The following PARVB variants were observed in gnomAD, a reference collection of about 807,000 sequenced individuals.
The protein encoded by PARVB is parvin beta.
PARVB carries 46 observed loss-of-function variants against 47.0 expected under a neutral mutation model. The observed-to-expected ratio is 0.98, with a 90% CI of 0.77 to 1.25. The LOEUF is 1.25. Among genes scored for constraint, PARVB ranks in the 50% most tolerant of loss-of-function variants. The pLI, the probability that PARVB is intolerant of heterozygous loss-of-function variation, is 0.00. For missense variants in PARVB, 473 were observed against 471.6 expected (o/e 1.00, Z -0.03); for synonymous variants, 196 against 196.3 (o/e 1.00, Z 0.01).
At chr22:44,040,101 C>A in intron 1 of PARVB, 1 of 255,970 alleles carries the variant, frequency 3.9e-6, no homozygotes, top group South Asian at 3.6e-5. Context: ...TGAAAATATT[C>A]TTTACAGTGA....
In PARVB at chr22:44,154,774, T is replaced by TTTATGTAGTCTGTGTGGTGTGTGTGTGGC. The variant is rs2053888131; in HGVS notation, c.844-3187_844-3186insTGTGTGGCTTATGTAGTCTGTGTGGTGTG. Among the ~76,000 whole-genome samples, 6 of 144,902 alleles carry TTTATGTAGTCTGTGTGGTGTGTGTGTGGC rather than the reference T, an allele frequency of 4.1e-5. 3 individuals carry two copies. The highest frequency in any genetic ancestry group is 1.4e-4 in the Admixed American group (2 of 14,490). ...TGCAGTCTGTGTGGTGTGTGTGTGG[T>TTTATGTAGTCTGTGTGGTGTGTGTGTGGC]TTATGTAGTCTGTGTGGTGTGATGT... On this transcript the variant is annotated intron_variant, in intron 10 of 12. Coordinates refer to ENST00000338758, the MANE Select transcript of PARVB (RefSeq NM_013327.5).
chr22:44,132,643 T>C (rs944827979), intron 5 of PARVB, among the ~76,000 whole-genome samples: 1 of 152,198 alleles, frequency 6.6e-6, no homozygotes, highest in Non-Finnish European at 1.5e-5. Context: ...GCCCAATTTA[T>C]TGCTTTTAAA....
chr22:44,135,601 A>G (rs2053426368), intron 6 of PARVB, among the ~76,000 whole-genome samples: 1 of 152,182 alleles, frequency 6.6e-6, no homozygotes, highest in Non-Finnish European at 1.5e-5. Context: ...GAAGTGTGAC[A>G]TATACTGTGT....
Position 44,043,695 on chromosome 22 carries a change from C to T in PARVB, c.112+19244C>T, listed in dbSNP as rs143434703. 1.2e-3 allele frequency among the ~76,000 whole-genome samples: 181 copies of T among 152,080 alleles called. 2 individuals are homozygous for T. Among genetic ancestry groups the T allele is most frequent in the African/African-American group, 2.5e-3 (103 of 41,486 alleles). ...CCCAGCCGAATTGTACACTTTAAAACGGCAAATTGTATGGAATGTGAATTC... is the reference window on the plus strand; with the variant it reads ...CCCAGCCGAATTGTACACTTTAAAATGGCAAATTGTATGGAATGTGAATTC... On this transcript the variant is annotated intron_variant, in intron 1 of 12. Coordinates refer to ENST00000338758, the MANE Select transcript of PARVB (RefSeq NM_013327.5).
intron 1 of PARVB, among the ~76,000 whole-genome samples, chr22:44,082,078 G>A (rs183770341): frequency 3.3e-5 from 5 of 152,322 alleles, no homozygotes; most frequent in Admixed American, 3.3e-4. Flanking sequence ...AGGGTGAGGG[G>A]CCGAGAAAAC....
At chr22:44,134,598 G>C (rs1367634099) in intron 6 of PARVB, among the ~76,000 whole-genome samples, 1 of 152,194 alleles carries the variant, frequency 6.6e-6, no homozygotes, top group East Asian at 1.9e-4. Context: ...TGAAACGGGA[G>C]CAGGGGGTCC....
At chr22:44,067,342 ATTTTTCAAGTGCGTAGT>A (rs2146970538) in intron 1 of PARVB, among the ~76,000 whole-genome samples, 1 of 152,238 alleles carries the variant, frequency 6.6e-6, no homozygotes, top group African/African-American at 2.4e-5. Flanking sequence ...TCCTTTTATG[ATTTTTCAAGTGCGTAGT>A]TATTTTCCTT....
chr22:44,029,553 A>G (rs2050787697), intron 1 of PARVB, among the ~76,000 whole-genome samples: 1 of 152,116 alleles, frequency 6.6e-6, no homozygotes, highest in Non-Finnish European at 1.5e-5. Flanking sequence ...AGGCAGGTGG[A>G]TCACCTAAGG....
chr22:44,099,000 A>G (rs192600389), intron 2 of PARVB, among the ~76,000 whole-genome samples: 193 of 152,242 alleles, frequency 1.3e-3, no homozygotes, highest in Non-Finnish European at 2.4e-3. Flanking sequence ...ATTCTGACCG[A>G]CATGGTCAGT....
At chr22:44,151,629 T>A in intron 10 of PARVB, 78 bp downstream of exon 10, 1 of 1,120,190 alleles carries the variant, frequency 8.9e-7, no homozygotes, top group Non-Finnish European at 1.4e-6. Context: ...GTGGGGCGCG[T>A]GAACAAAGCT....
chr22:44,082,613 A>G (rs984938082), intron 1 of PARVB, among the ~76,000 whole-genome samples: 2 of 152,188 alleles, frequency 1.3e-5, no homozygotes, highest in Non-Finnish European at 2.9e-5. Flanking sequence ...TCTCTAAAGA[A>G]TGTGTCCTCC....
intron 3 of PARVB, among the ~76,000 whole-genome samples, chr22:44,118,794 G>A (rs2143428): frequency 0.42 from 63,108 of 151,506 alleles, 13,986 homozygotes; most frequent in African/African-American, 0.57. Context: ...CTGTCCCTCC[G>A]CTTGCTCTGG....
intron 1 of PARVB, among the ~76,000 whole-genome samples, chr22:44,085,061 C>T (rs1330621542): frequency 6.6e-6 from 1 of 152,184 alleles, no homozygotes; most frequent in Non-Finnish European, 1.5e-5. Flanking sequence ...CCTTTCATTT[C>T]TTTTTCTGTG....
At chr22:44,046,439 G>A (rs575512274) in intron 1 of PARVB, among the ~76,000 whole-genome samples, 1 of 152,230 alleles carries the variant, frequency 6.6e-6, no homozygotes, top group African/African-American at 2.4e-5. Flanking sequence ...ACCAGTGGGG[G>A]ATGCATCTCT....
chr22:44,068,868 A>C lies in PARVB; in HGVS notation c.113-25060A>C, dbSNP rs553621254. Among the ~76,000 whole-genome samples the C allele has an allele frequency of 1.3e-5, 2 of 152,108 alleles. No individual in the cohort carries two copies. Among genetic ancestry groups the C allele is most frequent in the Non-Finnish European group, 2.9e-5 (2 of 68,006 alleles). ...CGCGCCCTTCCTTCCTTCTTTGTGC[A>C]TGGGGGTTTTCCTGGGGAGCAGTTG... is the stretch of plus-strand genomic sequence containing the variant. On this transcript the variant is annotated intron_variant, in intron 1 of 12. Coordinates refer to ENST00000338758, the MANE Select transcript of PARVB (RefSeq NM_013327.5). The surrounding 1 kb of genome is among the most constrained non-coding windows in gnomAD (Gnocchi z 4.1).
intron 4 of PARVB, among the ~76,000 whole-genome samples, chr22:44,126,061 G>A (rs952549067): frequency 6.6e-6 from 1 of 152,142 alleles, no homozygotes; most frequent in East Asian, 1.9e-4. Flanking sequence ...ACATGCTGGG[G>A]CTGAGATACC....
At chr22:44,117,184 T>C (rs1275184087) in intron 3 of PARVB, among the ~76,000 whole-genome samples, 1 of 151,930 alleles carries the variant, frequency 6.6e-6, no homozygotes, top group African/African-American at 2.4e-5. Flanking sequence ...TAGGGGGTCC[T>C]GGGTTAGGGA....
At chr22:44,100,239 T>C in intron 3 of PARVB, 116 bp downstream of exon 3, 1 of 799,180 alleles carries the variant, frequency 1.3e-6, no homozygotes, top group Non-Finnish European at 2.2e-6. Context: ...GGGATGTTGG[T>C]GCTGCATGAG....
Position 44,155,273 on chromosome 22 carries a change from C to T in PARVB, c.844-2709C>T, listed in dbSNP as rs5764570. Among the ~76,000 whole-genome samples the T allele has an allele frequency of 0.13, 19,080 of 152,136 alleles. 1,678 individuals are homozygous for T. Among genetic ancestry groups the T allele is most frequent in the South Asian group, 0.31 (1,505 of 4,822 alleles). ...CTGAGATCAAGTGGGCAGGGCTCGG[C>T]AGGGGTTAGCACTGCGGATGAGGAG... On this transcript the variant is annotated intron_variant, in intron 10 of 12. Coordinates refer to ENST00000338758, the MANE Select transcript of PARVB (RefSeq NM_013327.5). The surrounding 1 kb of genome is among the most constrained non-coding windows in gnomAD (Gnocchi z 4.8).
Sources: allele counts gnomAD v4.1 joint callset (sites outside exome capture counted in the v4.1 genomes callset), GRCh38; gene constraint gnomAD v4.1.1; non-coding constraint Gnocchi (gnomAD v3.1); transcripts MANE v1.5; gene names NCBI Gene and HGNC (gene_info 2026-07-23, HGNC 2026-07-21).